Variants in GALNT13 observed in about 807,000 individuals in gnomAD.
GALNT13 encodes the protein UDP-GalNAc:polypeptide N-acetylgalactosaminyltransferase 13.
In GALNT13, 28 loss-of-function variants were observed where a neutral mutation model predicts 64.2. The ratio of observed to expected loss-of-function variants is 0.44; its 90% CI spans 0.32 to 0.60. The LOEUF (loss-of-function observed/expected upper bound fraction) is 0.60. Among genes scored for constraint, GALNT13 ranks in the 20% least tolerant of loss-of-function variants. The probability of loss-of-function intolerance (pLI) is 0.05; values close to 1 mark genes in which losing one functional copy is unlikely to be tolerated. For missense variants in GALNT13, 577 were observed against 669.8 expected, an observed-to-expected ratio of 0.86 and a Z score of 1.53; for synonymous variants, 214 against 224.6, an observed-to-expected ratio of 0.95 and a Z score of 0.42.
At chr2:153,256,345 G>C in the GALNT13 span, among the ~76,000 whole-genome samples, 9 of 152,100 alleles carry the variant, frequency 5.9e-5, no homozygotes, top group African/African-American at 1.2e-4. Context: ...TCTCTGTATC[G>C]GTTAGTCTAG....
chr2:154,009,725 G>T (rs928365970), intron 3 of GALNT13, among the ~76,000 whole-genome samples: 11 of 151,972 alleles, frequency 7.2e-5, no homozygotes, highest in African/African-American at 1.7e-4. Flanking sequence ...CCTGACCTCA[G>T]GTGATCCACC....
the GALNT13 span, among the ~76,000 whole-genome samples, chr2:153,610,611 G>T: frequency 6.6e-6 from 1 of 152,128 alleles, no homozygotes; most frequent in Admixed American, 6.6e-5. Flanking sequence ...GGAGCTGGAG[G>T]TTGCAGTGAG....
At chr2:153,840,183 G>A in the GALNT13 span, among the ~76,000 whole-genome samples, 1 of 152,086 alleles carries the variant, frequency 6.6e-6, no homozygotes, top group African/African-American at 2.4e-5. Flanking sequence ...ACATAGTTCA[G>A]TGTAAAATTC....
chr2:154,256,179 T>C (rs1690361686), intron 7 of GALNT13, among the ~76,000 whole-genome samples: 1 of 152,010 alleles, frequency 6.6e-6, no homozygotes, highest in South Asian at 2.1e-4. Context: ...GTTAACCACA[T>C]CTTATTACTT....
the GALNT13 span, among the ~76,000 whole-genome samples, chr2:153,816,353 C>CT: frequency 6.6e-6 from 1 of 152,060 alleles, no homozygotes; most frequent in Admixed American, 6.5e-5. Context: ...GATGGATCAA[C>CT]TTTTTTGTGT....
chr2:154,191,267 G>GCA (rs1213837540), intron 4 of GALNT13, among the ~76,000 whole-genome samples: 2 of 151,974 alleles, frequency 1.3e-5, no homozygotes, highest in South Asian at 2.1e-4. Context: ...GCGCACGCAC[G>GCA]CACACACACA....
At chr2:154,226,782 C>T (rs1403570604) in intron 4 of GALNT13, among the ~76,000 whole-genome samples, 1 of 151,894 alleles carries the variant, frequency 6.6e-6, no homozygotes, top group Non-Finnish European at 1.5e-5. Context: ...AGTTTTTATG[C>T]CGCAAGAACA....
chr2:153,324,958 T>C, the GALNT13 span, among the ~76,000 whole-genome samples: 15 of 152,214 alleles, frequency 9.9e-5, no homozygotes, highest in African/African-American at 3.4e-4. Flanking sequence ...TTGTTGTGTC[T>C]CCACCAGGTT....
intron 8 of GALNT13, among the ~76,000 whole-genome samples, chr2:154,263,558 G>T (rs1573977644): frequency 6.6e-6 from 1 of 152,100 alleles, no homozygotes; most frequent in Admixed American, 6.5e-5. Context: ...ATACATTAAA[G>T]TATAATTATA....
Position 154,381,779 on chromosome 2 carries a change from T to G in GALNT13, c.1157-14212T>G, listed in dbSNP as rs550057787. Reference sequence around the variant, plus strand: ...CAAATGGTTGGAACTTTGATGCAATTTTTTGATTTTATACTGTTGTTAATA... The same window carrying G: ...CAAATGGTTGGAACTTTGATGCAATGTTTTGATTTTATACTGTTGTTAATA... On this transcript the variant is annotated intron_variant, in intron 9 of 12. Transcript: ENST00000392825. Among the ~76,000 whole-genome samples the G allele has an allele frequency of 2.0e-5, 3 of 152,226 alleles. No individual in the cohort carries two copies. In the East Asian group the frequency reaches 5.8e-4, roughly 29 times the overall value.
At chr2:154,032,183 G>C (rs1354582189) in intron 3 of GALNT13, among the ~76,000 whole-genome samples, 1 of 151,468 alleles carries the variant, frequency 6.6e-6, no homozygotes, top group East Asian at 1.9e-4. Flanking sequence ...ATTAAAAGCT[G>C]GTATTTGAAA....
At chr2:153,169,756 ATTTTCTTTGTC>A in the GALNT13 span, among the ~76,000 whole-genome samples, 1 of 152,002 alleles carries the variant, frequency 6.6e-6, no homozygotes, top group Non-Finnish European at 1.5e-5. Context: ...GCAGTGCATT[ATTTTCTTTGTC>A]TTTTCAAAGC....
Position 154,042,364 on chromosome 2 carries a change from C to T in GALNT13, c.142+97725C>T, listed in dbSNP as rs1023439833. ...TTTTAAATACTGTACTGAGGATTTG[C>T]TCCCTACTTTCAAAGAAATACCTTA... On this transcript the variant is annotated intron_variant, in intron 3 of 12. Coordinates refer to ENST00000392825, the MANE Select transcript of GALNT13 (RefSeq NM_052917.4). Among the ~76,000 whole-genome samples the T allele has an allele frequency of 8.3e-4, 113 of 136,072 alleles. 3 individuals carry two copies. Among genetic ancestry groups the T allele is most frequent in the Middle Eastern group, 4.0e-3 (1 of 252 alleles). 89.3% of individuals were successfully genotyped at this position (136,072 alleles called of 152,430 possible).
intron 3 of GALNT13, among the ~76,000 whole-genome samples, chr2:154,023,321 GAGTATA>G (rs897178531): frequency 1.1e-4 from 17 of 152,160 alleles, no homozygotes; most frequent in African/African-American, 4.1e-4. Flanking sequence ...TATTGTGTGG[GAGTATA>G]AGTCTCTTTG....
intron 9 of GALNT13, among the ~76,000 whole-genome samples, chr2:154,375,335 A>G (rs1304523481): frequency 2.0e-5 from 3 of 152,134 alleles, no homozygotes; most frequent in African/African-American, 4.8e-5. Flanking sequence ...GACAGGCCCA[A>G]GATAAAAAGA....
the GALNT13 span, among the ~76,000 whole-genome samples, chr2:153,125,824 T>C: frequency 6.6e-6 from 1 of 152,206 alleles, no homozygotes; most frequent in Non-Finnish European, 1.5e-5. Context: ...ATATCTTTAA[T>C]TGTTTAAGTA....
the GALNT13 span, among the ~76,000 whole-genome samples, chr2:153,464,324 A>G: frequency 6.6e-6 from 1 of 152,068 alleles, no homozygotes; most frequent in Admixed American, 6.6e-5. Context: ...GATGTATGAC[A>G]TGGATAAACT....
intron 4 of GALNT13, among the ~76,000 whole-genome samples, chr2:154,238,557 A>G (rs1463152150): frequency 6.6e-6 from 1 of 152,034 alleles, no homozygotes. Context: ...TTGTACCACA[A>G]ATTCATCAGA....
At chr2:154,275,926 C>T (rs1355398637) in intron 8 of GALNT13, among the ~76,000 whole-genome samples, 6 of 152,158 alleles carry the variant, frequency 3.9e-5, no homozygotes, top group African/African-American at 1.4e-4. Context: ...GGATGTGAGA[C>T]ATGGAGTCGA....
Sources: gnomAD v4.1 joint callset for allele counts (sites outside exome capture counted in the v4.1 genomes callset) on GRCh38, gnomAD v4.1.1 for gene constraint, MANE v1.5 for transcripts, NCBI Gene and HGNC (gene_info 2026-07-23, HGNC 2026-07-21) for gene names.